Variants in LMLN observed in about 807,000 individuals in gnomAD.
The protein encoded by LMLN is leishmanolysin like peptidase.
A neutral mutation model predicts 92.3 loss-of-function variants in LMLN; 70 were observed. That is an observed-to-expected ratio of 0.76 (90% confidence interval 0.63 to 0.92). The LOEUF is 0.92. LMLN is among the 40% of genes least tolerant of loss of function. The pLI is 0.00. For missense variants in LMLN, 691 were observed against 814.6 expected, an observed-to-expected ratio of 0.85 and a Z score of 1.85; for synonymous variants, 308 against 296.2, an observed-to-expected ratio of 1.04 and a Z score of -0.41.
chr3:198,035,200 C>CAA (rs33926276), intron 14 of LMLN, among the ~76,000 whole-genome samples: 8,173 of 96,426 alleles, frequency 0.085, 1,031 homozygotes, highest in African/African-American at 0.27. Context: ...GACCCCATCT[C>CAA]AAAAAAAAAA....
intron 5 of LMLN, among the ~76,000 whole-genome samples, chr3:197,978,039 T>C (rs183599148): frequency 3.4e-4 from 51 of 151,648 alleles, no homozygotes; most frequent in Non-Finnish European, 6.3e-4. Context: ...CATCTGGAAG[T>C]ATACACACGT....
At chr3:197,961,055 C>T (rs1720861157) in intron 1 of LMLN, among the ~76,000 whole-genome samples, 1 of 152,190 alleles carries the variant, frequency 6.6e-6, no homozygotes, top group Non-Finnish European at 1.5e-5. Context: ...AATTCTTTGT[C>T]TCATTTCAAA....
At chr3:197,968,689 A>G in intron 1 of LMLN, among the ~76,000 whole-genome samples, 1 of 152,110 alleles carries the variant, frequency 6.6e-6, no homozygotes, top group East Asian at 1.9e-4. Flanking sequence ...CCTGCAACAC[A>G]GGTTTGGTAT....
At chr3:198,029,337 T>A (rs6605317) in intron 14 of LMLN, among the ~76,000 whole-genome samples, 54,749 of 152,082 alleles carry the variant, frequency 0.36, 13,937 homozygotes, top group African/African-American at 0.73. Flanking sequence ...GATCAAACTT[T>A]TACATGCAAA....
chr3:198,003,471 T>C (rs1448877002), intron 11 of LMLN, among the ~76,000 whole-genome samples: 2 of 152,146 alleles, frequency 1.3e-5, no homozygotes, highest in Non-Finnish European at 2.9e-5. Context: ...GATGCAAATA[T>C]TGATTCAGTA....
intron 11 of LMLN, among the ~76,000 whole-genome samples, chr3:198,009,692 T>C (rs1722381997): frequency 6.6e-6 from 1 of 152,232 alleles, no homozygotes; most frequent in Non-Finnish European, 1.5e-5. Context: ...TGTTTCATAG[T>C]GCATGAATTG....
chr3:197,960,276 T>A (rs371565406), exon 1 of LMLN: 45 of 1,613,556 alleles, frequency 2.8e-5, no homozygotes, highest in Middle Eastern at 3.3e-4. Context: ...AGGAGTGGGT[T>A]ACTCGGGCTC....
Position 198,018,539 on chromosome 3 carries a change from G to A in LMLN, c.1233-714G>A, listed in dbSNP as rs78298737. ...CTGAAGACTGTGGCAAGTATTTTAC[G>A]TGTTTCATCTTAGGAAGCTGTAACT... On this transcript the variant is annotated intron_variant, in intron 11 of 15. Transcript: ENST00000330198. 5.8e-3 allele frequency among the ~76,000 whole-genome samples: 878 copies of A among 152,308 alleles called. 8 individuals carry two copies. Among genetic ancestry groups the A allele is most frequent in the African/African-American group, 0.02 (815 of 41,558 alleles).
At chr3:197,973,105 T>TCTGTCTTTCTCCCTCCCCAAAATA (rs1721274221) in intron 1 of LMLN, among the ~76,000 whole-genome samples, 1 of 152,216 alleles carries the variant, frequency 6.6e-6, no homozygotes, top group Non-Finnish European at 1.5e-5. Flanking sequence ...TCTTCCAGAT[T>TCTGTCTTTCTCCCTCCCCAAAATA]CTGTCTTTCT....
intron 10 of LMLN, among the ~76,000 whole-genome samples, chr3:197,998,265 T>G (rs1366594330): frequency 6.6e-6 from 1 of 152,206 alleles, no homozygotes; most frequent in Non-Finnish European, 1.5e-5. Flanking sequence ...AATAGATAGT[T>G]GCAGCTCATA....
At chr3:197,961,468 C>T (rs751968639) in intron 1 of LMLN, among the ~76,000 whole-genome samples, 3 of 152,172 alleles carry the variant, frequency 2.0e-5, no homozygotes, top group African/African-American at 7.2e-5. Context: ...ATATTAACTT[C>T]GGAGTTTATA....
At chr3:198,038,282 C>A in intron 15 of LMLN, 2 of 334,486 alleles carry the variant, frequency 6.0e-6, no homozygotes, top group South Asian at 4.0e-5. Context: ...TCAGAATAAC[C>A]AAGATCTTTA....
At chr3:197,973,851 A>T (rs898694893) in intron 1 of LMLN, among the ~76,000 whole-genome samples, 1 of 152,142 alleles carries the variant, frequency 6.6e-6, no homozygotes, top group South Asian at 2.1e-4. Flanking sequence ...AGCTAACACA[A>T]TTTTTTCTTT....
intron 1 of LMLN, among the ~76,000 whole-genome samples, chr3:197,964,863 C>T (rs1371944034): frequency 2.0e-5 from 3 of 151,866 alleles, no homozygotes; most frequent in Non-Finnish European, 4.4e-5. Context: ...AAAAATTAAC[C>T]AGGTATGGTG....
intron 1 of LMLN, among the ~76,000 whole-genome samples, chr3:197,972,973 TC>T (rs998249421): frequency 2.0e-5 from 3 of 152,156 alleles, no homozygotes; most frequent in Non-Finnish European, 2.9e-5. Flanking sequence ...TTGCTGTAGC[TC>T]CTCAAGCCAG....
At chr3:197,988,780 C>T (rs1048441773) in intron 8 of LMLN, among the ~76,000 whole-genome samples, 1 of 152,160 alleles carries the variant, frequency 6.6e-6, no homozygotes, top group African/African-American at 2.4e-5. Context: ...TTCCCAGGTT[C>T]AAGTGATTCT....
intron 11 of LMLN, among the ~76,000 whole-genome samples, chr3:198,011,436 C>T (rs947269705): frequency 6.6e-6 from 1 of 152,082 alleles, no homozygotes; most frequent in Non-Finnish European, 1.5e-5. Context: ...ATCCATGTCC[C>T]TACAAAGGAC....
intron 14 of LMLN, among the ~76,000 whole-genome samples, chr3:198,034,600 G>T (rs1723161451): frequency 6.6e-6 from 1 of 152,084 alleles, no homozygotes. Context: ...AACAGAGTGA[G>T]ACTTGGTCTA....
chr3:198,012,726 C>T (rs1188950106), intron 11 of LMLN, among the ~76,000 whole-genome samples: 3 of 150,556 alleles, frequency 2.0e-5, no homozygotes, highest in Non-Finnish European at 3.0e-5. Flanking sequence ...TCTCTGTACC[C>T]TTCAGAGCCC....
Sources: gnomAD v4.1 joint callset for allele counts (sites outside exome capture counted in the v4.1 genomes callset) on GRCh38, gnomAD v4.1.1 for gene constraint, MANE v1.5 for transcripts, NCBI Gene and HGNC (gene_info 2026-07-23, HGNC 2026-07-21) for gene names.